The following AGAP1 variants were observed in gnomAD, a reference collection of about 807,000 sequenced individuals.
AGAP1 encodes the protein ArfGAP with GTPase domain, ankyrin repeat and PH domain 1.
AGAP1 carries 29 observed loss-of-function variants against 105.3 expected under a neutral mutation model. That is an observed-to-expected ratio of 0.28 (90% CI 0.21 to 0.38). The LOEUF is 0.38. Ranked by LOEUF, AGAP1 falls within the 10% of genes least tolerant of loss-of-function variation. The pLI, the probability that AGAP1 is intolerant of heterozygous loss-of-function variation, is 1.00. For synonymous variants in AGAP1, 509 were observed against 485.9 expected, an observed-to-expected ratio of 1.05 and a Z score of -0.63; for missense variants, 998 against 1,165.1, an observed-to-expected ratio of 0.86 and a Z score of 2.09.
intron 16 of AGAP1, among the ~76,000 whole-genome samples, chr2:236,072,852 T>C (rs1352585149): frequency 6.6e-6 from 1 of 152,206 alleles, no homozygotes; most frequent in Non-Finnish European, 1.5e-5. Flanking sequence ...GAGCCATATG[T>C]GTTGTTTTAA....
intron 9 of AGAP1, among the ~76,000 whole-genome samples, chr2:235,823,599 A>G (rs1958919333): frequency 6.6e-6 from 1 of 152,164 alleles, no homozygotes; most frequent in African/African-American, 2.4e-5. Context: ...TTCCAGTACC[A>G]TTTCCACCAC....
At position 235,979,472 on chromosome 2, in the gene AGAP1, A is replaced by C. The variant is rs1002531516; in HGVS notation, c.1645+10849A>C. Among the ~76,000 whole-genome samples the C allele has an allele frequency of 6.6e-6, 1 of 152,168 alleles. No individual in the cohort carries two copies. Among genetic ancestry groups the C allele is most frequent in the African/African-American group, 2.4e-5 (1 of 41,434 alleles). On this transcript the variant is annotated intron_variant, in intron 13 of 17. Coordinates refer to ENST00000304032, the MANE Select transcript of AGAP1 (RefSeq NM_001037131.3). This position sits in a 1 kb window ranked among gnomAD's most constrained non-coding sequence, Gnocchi z 4.5. Reference sequence around the variant, plus strand: ...TGTATTAATGCTTTGGAGAAGGTGTAGTTGAGATAAACTTTGTGTGTTTAT... The same window carrying C: ...TGTATTAATGCTTTGGAGAAGGTGTCGTTGAGATAAACTTTGTGTGTTTAT...
Position 236,056,824 on chromosome 2 carries a change from G to A in AGAP1, c.2114+7543G>A, listed in dbSNP as rs1178686740. On this transcript the variant is annotated intron_variant, in intron 16 of 17. Transcript: ENST00000304032. This position sits in a 1 kb window ranked among gnomAD's most constrained non-coding sequence, Gnocchi z 4.6. ...CATGGGAGCGCAGGTCAGACTGCAG[G>A]CACCAAGATCTGACTCCAGATGCCG... is the stretch of plus-strand genomic sequence containing the variant. Among the ~76,000 whole-genome samples, 1 of 152,142 alleles carries A rather than the reference G, an allele frequency of 6.6e-6. No individual in the cohort carries two copies. The highest frequency in any genetic ancestry group is 1.9e-4 in the East Asian group (1 of 5,182).
intron 1 of AGAP1, among the ~76,000 whole-genome samples, chr2:235,558,178 A>C (rs776782750): frequency 3.9e-5 from 6 of 152,064 alleles, no homozygotes; most frequent in Non-Finnish European, 8.8e-5. Context: ...ATTTATGGGG[A>C]TTACTCGGTT....
intron 1 of AGAP1, among the ~76,000 whole-genome samples, chr2:235,638,970 A>G (rs1947103092): frequency 6.6e-6 from 1 of 152,162 alleles, no homozygotes; most frequent in Non-Finnish European, 1.5e-5. Context: ...TCTTCAGGCA[A>G]TCCAGATCAA....
At chr2:235,587,442 T>C (rs940781754) in intron 1 of AGAP1, among the ~76,000 whole-genome samples, 2 of 152,114 alleles carry the variant, frequency 1.3e-5, no homozygotes, top group Non-Finnish European at 2.9e-5. Context: ...GGACCGGAAA[T>C]GCATCATTTT....
chr2:236,047,077 A>G (rs2057742196), intron 15 of AGAP1, among the ~76,000 whole-genome samples: 1 of 152,136 alleles, frequency 6.6e-6, no homozygotes, highest in African/African-American at 2.4e-5. Flanking sequence ...TGCAGTGAGC[A>G]GTGATTGTGC....
chr2:235,631,845 C>G lies in AGAP1; in HGVS notation c.164-77334C>G, dbSNP rs962949042. Among the ~76,000 whole-genome samples the G allele has an allele frequency of 6.6e-6, 1 of 152,200 alleles. No individual in the cohort carries two copies. Among genetic ancestry groups the G allele is most frequent in the Non-Finnish European group, 1.5e-5 (1 of 68,032 alleles). ...TCCTGCTGTCAGGTGTGGCCACTCT[C>G]GTGAGATGCAACTGGAGGTGTTTTG... On this transcript the variant is annotated intron_variant, in intron 1 of 17. Transcript: ENST00000304032. This position sits in a 1 kb window ranked among gnomAD's most constrained non-coding sequence, Gnocchi z 5.4.
intron 6 of AGAP1, among the ~76,000 whole-genome samples, chr2:235,761,680 T>C (rs1479090070): frequency 6.6e-6 from 1 of 152,244 alleles, no homozygotes; most frequent in Non-Finnish European, 1.5e-5. Context: ...TTTGACCTAG[T>C]TAACCCTCCA....
At position 236,062,575 on chromosome 2, in the gene AGAP1, A is replaced by C. The variant is rs1019135772; in HGVS notation, c.2114+13294A>C. On this transcript the variant is annotated intron_variant, in intron 16 of 17. Transcript: ENST00000304032. This position sits in a 1 kb window ranked among gnomAD's most constrained non-coding sequence, Gnocchi z 4.2. ...ACTGCAACCCCAGACTCCCAGGCTC[A>C]AGCAATCCTACCTAGTCAGCCTCCC... 1.3e-5 allele frequency among the ~76,000 whole-genome samples: 2 copies of C among 152,172 alleles called. No homozygotes were observed. Among genetic ancestry groups the C allele is most frequent in the African/African-American group, 4.8e-5 (2 of 41,430 alleles).
At chr2:235,687,936 C>CCAG (rs774644011) in intron 1 of AGAP1, among the ~76,000 whole-genome samples, 5 of 124,480 alleles carry the variant, frequency 4.0e-5, no homozygotes, top group Non-Finnish European at 8.0e-5. Flanking sequence ...GAGTCTCACT[C>CCAG]TGTCACCCAG....
intron 9 of AGAP1, among the ~76,000 whole-genome samples, chr2:235,826,593 G>T (rs1443248236): frequency 1.3e-5 from 2 of 152,156 alleles, no homozygotes; most frequent in African/African-American, 4.8e-5. Flanking sequence ...GGGATTACAG[G>T]CGCCCGCCAC....
chr2:235,503,502 C>G (rs951427366), intron 1 of AGAP1, among the ~76,000 whole-genome samples: 3 of 152,118 alleles, frequency 2.0e-5, no homozygotes, highest in African/African-American at 7.2e-5. Context: ...AAGCCTGGGT[C>G]TCTGAGTGTC....
Position 235,552,088 on chromosome 2 carries a change from C to G in AGAP1, c.163+57239C>G, listed in dbSNP as rs568267661. Among the ~76,000 whole-genome samples the G allele has an allele frequency of 6.6e-6, 1 of 152,252 alleles. No homozygotes were observed. The highest frequency in any genetic ancestry group is 6.5e-5 in the Admixed American group (1 of 15,290). On this transcript the variant is annotated intron_variant, in intron 1 of 17. Coordinates refer to ENST00000304032, the MANE Select transcript of AGAP1 (RefSeq NM_001037131.3). The surrounding 1 kb of genome is among the most constrained non-coding windows in gnomAD (Gnocchi z 5.9). ...ACTGTTTGTTGTGTGCTTGGCTGTT[C>G]AGTGCCCCATAACTGGCCGCGGTAC...
In AGAP1 at chr2:235,799,624, A is replaced by G. The variant is rs1282944310; in HGVS notation, c.957+102A>G. The G allele has an allele frequency of 7.6e-6, 10 of 1,315,136 alleles. No individual in the cohort carries two copies. The highest frequency in any genetic ancestry group is 4.6e-5 in the Admixed American group (2 of 43,084). The allele number at this position is 1,315,136 out of a possible 1,614,324, so 81.5% of individuals were successfully genotyped here. On this transcript the variant is annotated intron_variant, in intron 8 of 17. Coordinates refer to ENST00000304032, the MANE Select transcript of AGAP1 (RefSeq NM_001037131.3). This position sits in a 1 kb window ranked among gnomAD's most constrained non-coding sequence, Gnocchi z 5.0. ...GTTCAGTGGTATTTGTAGAATCTCA[A>G]CTATATTAAAGTGAATAACATTGAT... is the stretch of plus-strand genomic sequence containing the variant.
Position 235,830,794 on chromosome 2 carries a change from A to G in AGAP1, c.1050+23463A>G, listed in dbSNP as rs1285561636. 6.6e-6 allele frequency among the ~76,000 whole-genome samples: 1 copy of G among 152,196 alleles called. No homozygotes were observed. The highest frequency in any genetic ancestry group is 2.4e-5 in the African/African-American group (1 of 41,444). On this transcript the variant is annotated intron_variant, in intron 9 of 17. Coordinates refer to ENST00000304032, the MANE Select transcript of AGAP1 (RefSeq NM_001037131.3). This position sits in a 1 kb window ranked among gnomAD's most constrained non-coding sequence, Gnocchi z 5.5. ...GGAATTTTTAAGTGATTTTACTTCT[A>G]TTGGATGCTGTTGATAGCCTCATTC...
At position 235,633,257 on chromosome 2, in the gene AGAP1, C is replaced by T. The variant is rs569011731; in HGVS notation, c.164-75922C>T. 3.3e-5 allele frequency among the ~76,000 whole-genome samples: 5 copies of T among 152,192 alleles called. No individual in the cohort carries two copies. Among genetic ancestry groups the T allele is most frequent in the African/African-American group, 1.2e-4 (5 of 41,530 alleles). On this transcript the variant is annotated intron_variant, in intron 1 of 17. Transcript: ENST00000304032. This position sits in a 1 kb window ranked among gnomAD's most constrained non-coding sequence, Gnocchi z 4.8. ...GGGAGGTCGTCTGTGTGCCTTGGTTCCATGACTTGGGGGCAGCCAAGTAGA... is the reference window on the plus strand; with the variant it reads ...GGGAGGTCGTCTGTGTGCCTTGGTTTCATGACTTGGGGGCAGCCAAGTAGA...
At chr2:235,715,751 T>C (rs1951068948) in intron 2 of AGAP1, among the ~76,000 whole-genome samples, 1 of 152,144 alleles carries the variant, frequency 6.6e-6, no homozygotes, top group African/African-American at 2.4e-5. Context: ...TAGAGGCTGC[T>C]TCCTTGATCC....
intron 1 of AGAP1, among the ~76,000 whole-genome samples, chr2:235,619,251 C>T (rs1432407357): frequency 6.6e-6 from 1 of 152,220 alleles, no homozygotes; most frequent in East Asian, 1.9e-4. Flanking sequence ...GGGCGATCCC[C>T]ACTTTACCAT....
Sources: allele counts gnomAD v4.1 joint callset (sites outside exome capture counted in the v4.1 genomes callset), GRCh38; gene constraint gnomAD v4.1.1; non-coding constraint Gnocchi (gnomAD v3.1); transcripts MANE v1.5; gene names NCBI Gene and HGNC (gene_info 2026-07-23, HGNC 2026-07-21).